The following OTUD4 variants were observed in gnomAD, a reference collection of about 807,000 sequenced individuals.
OTUD4 encodes the protein OTU domain-containing protein 4.
In OTUD4, 24 loss-of-function variants were observed where a neutral mutation model predicts 130.4. That is an observed-to-expected ratio of 0.18 (90% confidence interval 0.13 to 0.26). The LOEUF (loss-of-function observed/expected upper bound fraction) is 0.26. Ranked by LOEUF, OTUD4 falls within the 10% of genes least tolerant of loss-of-function variation. The pLI is 1.00. For missense variants in OTUD4, 1,031 were observed against 1,329.4 expected (o/e 0.78, Z 3.49); for synonymous variants, 420 against 472.5 (o/e 0.89, Z 1.44).
rs1752169552 is a variant in OTUD4 at position 145,171,578 on chromosome 4, T to C, written c.294+92A>G. 1.0e-5 allele frequency: 7 copies of C among 685,700 alleles called. 1 individual carries two copies. The South Asian group carries it at 1.2e-4, about 12-fold the overall frequency. The allele number at this position is 685,700 out of a possible 1,614,324, so 42.5% of individuals were successfully genotyped here. A position where few individuals can be genotyped will look rare whatever the true frequency, so the allele number is the denominator to read the frequency against. ...ATACACCGTCACTGCAACTCCTCTA[T>C]ACACTGTAATAGTAATCTTCTATTT... On this transcript the variant is annotated intron_variant, in intron 3 of 20. Transcript: ENST00000447906.
At position 145,144,388 on chromosome 4, in the gene OTUD4, A is replaced by G. The variant is rs1379208250; in HGVS notation, c.1469T>C (p.Val490Ala). The G allele has an allele frequency of 1.2e-6, 2 of 1,612,184 alleles. No homozygotes were observed. The highest frequency in any genetic ancestry group is 1.3e-5 in the African/African-American group (1 of 74,836). ...QSASQSSNPC[V>A]QRKSSHVGDR... ...ACCTACATGTGATGATTTTCTCTGG[A>G]CACATGGATTGCTACTCTGAGAAGC... Residue 490 changes from valine (V) to alanine (A), a missense_variant, in exon 15 of 21, where the codon GTC becomes GCC. Val to Ala is a moderately conservative substitution (Grantham distance 64). Around this residue, in one of 3 missense-constraint regions of OTUD4, gnomAD observed 900 missense variants for 1,095.9 expected, o/e 0.82. Transcript: ENST00000447906.
intron 7 of OTUD4, among the ~76,000 whole-genome samples, chr4:145,157,578 G>A (rs1751354366): frequency 6.6e-6 from 1 of 151,748 alleles, no homozygotes; most frequent in South Asian, 2.1e-4. Flanking sequence ...TAGCTACTCG[G>A]GAGGCTGAGG....
intron 7 of OTUD4, among the ~76,000 whole-genome samples, chr4:145,158,477 G>A (rs575535164): frequency 6.8e-4 from 99 of 145,386 alleles, no homozygotes; most frequent in African/African-American, 1.8e-3. Context: ...GCAAGACTCC[G>A]ATTCAAAAAC....
chr4:145,166,114 T>C (rs546410427), intron 3 of OTUD4, among the ~76,000 whole-genome samples: 78 of 151,248 alleles, frequency 5.2e-4, no homozygotes, highest in African/African-American at 1.8e-3. Flanking sequence ...TGAGCCAAGA[T>C]TGCACCATTG....
chr4:145,168,489 A>G (rs537516796), intron 3 of OTUD4, among the ~76,000 whole-genome samples: 35 of 151,990 alleles, frequency 2.3e-4, no homozygotes, highest in African/African-American at 7.5e-4. Flanking sequence ...TATCCAATAC[A>G]GGACTTATAT....
chr4:145,164,643 G>T (rs1487211638), intron 4 of OTUD4, among the ~76,000 whole-genome samples: 1 of 152,024 alleles, frequency 6.6e-6, no homozygotes, highest in African/African-American at 2.4e-5. Flanking sequence ...AACTTTTTGA[G>T]CACCAACATG....
chr4:145,147,602 C>T (rs1462661359), intron 13 of OTUD4, among the ~76,000 whole-genome samples: 1 of 152,164 alleles, frequency 6.6e-6, no homozygotes, highest in African/African-American at 2.4e-5. Flanking sequence ...AGCTTGAAGA[C>T]AGATATTCAG....
intron 1 of OTUD4, chr4:145,179,533 T>C (rs887545697): frequency 2.0e-6 from 2 of 1,024,366 alleles, no homozygotes; most frequent in African/African-American, 3.4e-5. Flanking sequence ...ATAAATCAAC[T>C]GTACAAGCTC....
chr4:145,172,634 A>C (rs1752232450), intron 2 of OTUD4, among the ~76,000 whole-genome samples: 1 of 152,210 alleles, frequency 6.6e-6, no homozygotes, highest in South Asian at 2.1e-4. Context: ...GATATACTTA[A>C]AGACATTAAA....
chr4:145,153,241 A>G (rs1201305564), intron 10 of OTUD4, among the ~76,000 whole-genome samples: 2 of 152,316 alleles, frequency 1.3e-5, no homozygotes, highest in Non-Finnish European at 1.5e-5. Context: ...TAGGAGCACA[A>G]TATGTTAAGG....
At chr4:145,162,615 CA>C in intron 6 of OTUD4, 24 bp downstream of exon 6, 5 of 1,122,200 alleles carry the variant, frequency 4.5e-6, no homozygotes, top group Non-Finnish European at 6.5e-6. Flanking sequence ...TATAATTTCC[CA>C]TATAAACACA....
chr4:145,142,397 T>C, intron 17 of OTUD4, 63 bp from the exon 18 acceptor site: 2 of 1,451,664 alleles, frequency 1.4e-6, no homozygotes, highest in South Asian at 2.4e-5. Context: ...GCTTTAACAC[T>C]ATTTCTAACC....
chr4:145,156,256 G>A (rs1751286321), intron 7 of OTUD4, among the ~76,000 whole-genome samples: 1 of 152,086 alleles, frequency 6.6e-6, no homozygotes, highest in African/African-American at 2.4e-5. Context: ...GTGAAATTTG[G>A]GTGGGTAGAA....
chr4:145,168,622 C>G (rs1751995367), intron 3 of OTUD4, among the ~76,000 whole-genome samples: 1 of 152,080 alleles, frequency 6.6e-6, no homozygotes, highest in Non-Finnish European at 1.5e-5. Flanking sequence ...TGAAAAGATG[C>G]TCAACATCAT....
Position 145,162,631 on chromosome 4 carries a change from G to A in OTUD4, c.496+9C>T. 7.7e-7 allele frequency: 1 copy of A among 1,291,374 alleles called. No individual in the cohort carries two copies. Among genetic ancestry groups the A allele is most frequent in the Non-Finnish European group, 1.1e-6 (1 of 913,664 alleles). The allele number at this position is 1,291,374 out of a possible 1,614,324, so 80.0% of individuals were successfully genotyped here. ...ATAATTTCCCATATAAACACAAGGT[G>A]ATACTTACACTGACACATAGCAGAG... is the stretch of plus-strand genomic sequence containing the variant. On this transcript the variant is annotated intron_variant, in intron 6 of 20. Transcript: ENST00000447906.
Position 145,142,109 on chromosome 4 carries a change from T to A in OTUD4, c.1822+87A>T, listed in dbSNP as rs573979776. ...TGAGGCTCCACACACCTAATCCTGC[T>A]CAGAGGTCAAACTTCCACTCAAGAA... On this transcript the variant is annotated intron_variant, in intron 18 of 20. Coordinates refer to ENST00000447906, the MANE Select transcript of OTUD4 (RefSeq NM_001366057.1). 3.4e-5 allele frequency: 40 copies of A among 1,177,210 alleles called. No homozygotes were observed. In the South Asian group the frequency reaches 5.6e-4, roughly 16 times the overall value. 72.9% of individuals were successfully genotyped at this position (1,177,210 alleles called of 1,614,324 possible).
chr4:145,159,450 C>T, intron 7 of OTUD4, 53 bp downstream of exon 7: 1 of 1,607,644 alleles, frequency 6.2e-7, no homozygotes, highest in Non-Finnish European at 8.5e-7. Flanking sequence ...AAGACATTTA[C>T]TTAACTTTCC....
Position 145,142,242 on chromosome 4 carries a change from G to T in OTUD4, c.1776C>A (p.Ala592=). ...HLTPAVPSLP[A]TVPAWPSEPT... is the part of the protein sequence containing the mutation. Reference sequence around the variant, plus strand: ...GTTCACTTGGCCAGGCTGGCACAGTGGCTGGTAAAGAAGGCACCGCAGGAG... The same window carrying T: ...GTTCACTTGGCCAGGCTGGCACAGTTGCTGGTAAAGAAGGCACCGCAGGAG... The change falls in exon 18 of 21, where the codon GCC becomes GCA. Residue 592 remains alanine, a synonymous_variant. Coordinates refer to ENST00000447906, the MANE Select transcript of OTUD4 (RefSeq NM_001366057.1). 6.2e-7 allele frequency: 1 copy of T among 1,613,970 alleles called. No homozygotes were observed.
intron 1 of OTUD4, among the ~76,000 whole-genome samples, chr4:145,177,805 C>A (rs1450977929): frequency 2.0e-5 from 3 of 152,194 alleles, no homozygotes; most frequent in Non-Finnish European, 2.9e-5. Context: ...AAAACTGCCA[C>A]TTAGATTATT....
Sources: allele counts gnomAD v4.1 joint callset (sites outside exome capture counted in the v4.1 genomes callset), GRCh38; gene constraint gnomAD v4.1.1; regional missense constraint gnomAD v4.1.1; transcripts MANE v1.5; gene names NCBI Gene and HGNC (gene_info 2026-07-23, HGNC 2026-07-21).